EDIL3: variants seen among roughly 807,000 people sequenced by gnomAD.
EDIL3 encodes the protein EGF like and discoidin domains 3.
In EDIL3, 37 loss-of-function variants were observed where a neutral mutation model predicts 67.4. That is an observed-to-expected ratio of 0.55 (90% CI 0.42 to 0.72). The LOEUF (loss-of-function observed/expected upper bound fraction) is 0.72. Ranked by LOEUF, EDIL3 falls within the 30% of genes least tolerant of loss-of-function variation. The probability of loss-of-function intolerance (pLI) is 0.00; values close to 1 mark genes in which losing one functional copy is unlikely to be tolerated. For synonymous variants in EDIL3, 195 were observed against 196.3 expected, an observed-to-expected ratio of 0.99 and a Z score of 0.05; for missense variants, 527 against 586.3, an observed-to-expected ratio of 0.90 and a Z score of 1.04.
intron 3 of EDIL3, among the ~76,000 whole-genome samples, chr5:84,193,948 CT>C (rs1743644561): frequency 6.6e-6 from 1 of 151,860 alleles, no homozygotes; most frequent in Non-Finnish European, 1.5e-5. Flanking sequence ...AAATGTTCTC[CT>C]TTAAGTGGCA....
intron 3 of EDIL3, among the ~76,000 whole-genome samples, chr5:84,210,417 A>C (rs1388826692): frequency 6.6e-6 from 1 of 152,138 alleles, no homozygotes; most frequent in African/African-American, 2.4e-5. Flanking sequence ...ATCTAGAATT[A>C]AAGTTGGACA....
At chr5:84,088,354 A>G (rs1747108497) in intron 6 of EDIL3, among the ~76,000 whole-genome samples, 1 of 152,212 alleles carries the variant, frequency 6.6e-6, no homozygotes, top group South Asian at 2.1e-4. Context: ...TACATTGGCA[A>G]TTCTATTTAA....
chr5:84,152,563 A>G (rs1048304216), intron 4 of EDIL3, among the ~76,000 whole-genome samples: 2 of 152,232 alleles, frequency 1.3e-5, no homozygotes, highest in African/African-American at 2.4e-5. Flanking sequence ...ATAAAATCCA[A>G]TGACTTGTGA....
At chr5:83,943,647 T>C (rs1231325242) in intron 10 of EDIL3, 79 bp from the exon 11 acceptor site, 20 of 1,520,308 alleles carry the variant, frequency 1.3e-5, no homozygotes, top group Non-Finnish European at 1.8e-5. Context: ...GTTTGGAACA[T>C]TTTCCCCAAA....
intron 4 of EDIL3, among the ~76,000 whole-genome samples, chr5:84,153,760 G>A (rs1377200567): frequency 6.6e-6 from 1 of 152,138 alleles, no homozygotes; most frequent in African/African-American, 2.4e-5. Flanking sequence ...ACCGCACCCG[G>A]CCTTGTTATT....
intron 5 of EDIL3, among the ~76,000 whole-genome samples, chr5:84,108,168 G>A (rs1747496716): frequency 6.6e-6 from 1 of 151,598 alleles, no homozygotes; most frequent in Non-Finnish European, 1.5e-5. Flanking sequence ...AAAATATTAG[G>A]AGCCAAATTA....
chr5:84,073,342 G>T (rs554888551), intron 6 of EDIL3, among the ~76,000 whole-genome samples: 8 of 152,226 alleles, frequency 5.3e-5, no homozygotes, highest in Admixed American at 1.3e-4. Flanking sequence ...GGAAGTTCTG[G>T]CCAGGGCAAT....
intron 1 of EDIL3, among the ~76,000 whole-genome samples, chr5:84,305,391 C>T (rs900715006): frequency 8.5e-5 from 13 of 152,104 alleles, no homozygotes; most frequent in Non-Finnish European, 1.5e-4. Flanking sequence ...TAGTTCTTAC[C>T]AGGTTTTTTG....
At position 84,327,133 on chromosome 5, in the gene EDIL3, G is replaced by A. The variant is rs373029127; in HGVS notation, c.67+57175C>T. ...ATTATTTTGTAGTGAGAACTCATAAGATCTACCCTGCTAGCAAATTTCTAG... is the reference window on the plus strand; with the variant it reads ...ATTATTTTGTAGTGAGAACTCATAAAATCTACCCTGCTAGCAAATTTCTAG... On this transcript the variant is annotated intron_variant, in intron 1 of 10. Transcript: ENST00000296591. 2.0e-5 allele frequency among the ~76,000 whole-genome samples: 3 copies of A among 151,812 alleles called. No homozygotes were observed. In the South Asian group the frequency reaches 6.2e-4, roughly 32 times the overall value.
intron 1 of EDIL3, among the ~76,000 whole-genome samples, chr5:84,297,973 G>A (rs1746085348): frequency 6.6e-6 from 1 of 152,066 alleles, no homozygotes; most frequent in African/African-American, 2.4e-5. Context: ...TTAACACAGA[G>A]CTTGGTGTTC....
rs1252252156 is a variant in EDIL3 at position 83,963,300 on chromosome 5, C to G, written c.1198G>C (p.Gly400Arg). The G allele has an allele frequency of 3.1e-6, 5 of 1,610,172 alleles. No homozygotes were observed. Among genetic ancestry groups the G allele is most frequent in the Non-Finnish European group, 4.2e-6 (5 of 1,177,738 alleles). ...GIITQGAKDF[G>R]HVQFVGSYKL... ...TAGGAGCCAACAAACTGTACATGAC[C>G]AAAATCTTTAGCTCCTTGTGTAATG... Residue 400 changes from glycine (G) to arginine (R), a missense_variant, in exon 10 of 11, where the codon GGT (glycine) becomes CGT (arginine). By Grantham distance (125) the Gly-to-Arg change is moderately radical (BLOSUM62 -2). Around this residue, in one of 2 missense-constraint regions of EDIL3, gnomAD observed 494 missense variants for 522.5 expected, o/e 0.95. Transcript: ENST00000296591.
intron 9 of EDIL3, among the ~76,000 whole-genome samples, chr5:84,019,403 G>C (rs1410420212): frequency 6.6e-6 from 1 of 151,798 alleles, no homozygotes; most frequent in Non-Finnish European, 1.5e-5. Context: ...TGGGGTGGGG[G>C]GAGTGGGGAG....
chr5:84,357,528 A>G (rs1029457864), intron 1 of EDIL3, among the ~76,000 whole-genome samples: 4 of 152,100 alleles, frequency 2.6e-5, no homozygotes, highest in Admixed American at 1.3e-4. Context: ...TATACTTTTA[A>G]CCCTGCACCC....
intron 3 of EDIL3, among the ~76,000 whole-genome samples, chr5:84,204,915 T>G (rs1389178812): frequency 6.6e-6 from 1 of 151,960 alleles, no homozygotes; most frequent in Non-Finnish European, 1.5e-5. Flanking sequence ...ATAGTAACGC[T>G]TTTGTGTGTG....
chr5:84,119,212 G>GTTTTTTTT (rs66522256), intron 5 of EDIL3, among the ~76,000 whole-genome samples: 13 of 82,302 alleles, frequency 1.6e-4, no homozygotes, highest in East Asian at 3.9e-4. Context: ...CATGCATTTG[G>GTTTTTTTT]TTTTTTTTTT....
chr5:84,219,041 C>T (rs1008279935), intron 3 of EDIL3, among the ~76,000 whole-genome samples: 3 of 152,168 alleles, frequency 2.0e-5, no homozygotes, highest in Admixed American at 2.0e-4. Context: ...TACTGTGGGC[C>T]TTGAGTGAGA....
chr5:84,067,691 G>C (rs913552579), intron 6 of EDIL3, among the ~76,000 whole-genome samples: 7 of 152,080 alleles, frequency 4.6e-5, no homozygotes, highest in African/African-American at 1.7e-4. Context: ...ATGGTCCACG[G>C]TGTGCATGAT....
chr5:84,204,524 T>C (rs1388493974), intron 3 of EDIL3, among the ~76,000 whole-genome samples: 1 of 152,102 alleles, frequency 6.6e-6, no homozygotes, highest in Non-Finnish European at 1.5e-5. Context: ...TTTTTAAAAA[T>C]TGTATTTTAA....
chr5:84,269,215 C>T (rs961452133), intron 1 of EDIL3, among the ~76,000 whole-genome samples: 7 of 152,008 alleles, frequency 4.6e-5, no homozygotes, highest in African/African-American at 1.2e-4. Context: ...CAGCACAAAG[C>T]CATTTCACTT....
Sources: gnomAD v4.1 joint callset for allele counts (sites outside exome capture counted in the v4.1 genomes callset) on GRCh38, gnomAD v4.1.1 for gene constraint, gnomAD v4.1.1 regional missense constraint, MANE v1.5 for transcripts, NCBI Gene and HGNC (gene_info 2026-07-23, HGNC 2026-07-21) for gene names.